IGF2BP2: variants seen among roughly 807,000 people sequenced by gnomAD.
IGF2BP2 encodes the protein insulin-like growth factor 2 mRNA-binding protein 2.
A neutral mutation model predicts 75.8 loss-of-function variants in IGF2BP2; 17 were observed. That is an observed-to-expected ratio of 0.22 (90% CI 0.15 to 0.34). The LOEUF is 0.34. IGF2BP2 is among the 10% of genes least tolerant of loss of function. The pLI is 1.00. For synonymous variants in IGF2BP2, 288 were observed against 295.6 expected, an observed-to-expected ratio of 0.97 and a Z score of 0.26; for missense variants, 516 against 772.4, an observed-to-expected ratio of 0.67 and a Z score of 3.93.
At chr3:185,676,271 G>A (rs1719332482) in intron 7 of IGF2BP2, among the ~76,000 whole-genome samples, 1 of 152,024 alleles carries the variant, frequency 6.6e-6, no homozygotes, top group South Asian at 2.1e-4. Flanking sequence ...GAAGCCACAG[G>A]TCTCTTTCCC....
intron 2 of IGF2BP2, among the ~76,000 whole-genome samples, chr3:185,774,718 C>T (rs542878904): frequency 2.6e-5 from 4 of 151,990 alleles, no homozygotes; most frequent in Non-Finnish European, 4.4e-5. Flanking sequence ...TAAGAGGCGG[C>T]TGGGGACGGG....
rs759073124 is a variant in IGF2BP2, at chr3:185,657,311, G to A, written c.1361C>T (p.Ala454Val). The A allele has an allele frequency of 4.3e-6, 7 of 1,613,596 alleles. No homozygotes were observed. The highest frequency in any genetic ancestry group is 2.2e-5 in the South Asian group (2 of 91,010). Residue 454 changes from alanine to valine, a missense_variant, in exon 12 of 16, where the codon GCG (alanine) becomes GTG (valine). Around this residue, in one of 3 missense-constraint regions of IGF2BP2, gnomAD observed 129 missense variants for 230.5 expected, o/e 0.56. Transcript: ENST00000382199. Reference protein sequence around the residue: ...GKKGAHIKQLARFAGASIKIA... With the variant: ...GKKGAHIKQLVRFAGASIKIA... ...CTTGATAGAGGCTCCGGCGAATCTC[G>A]CCAGCTGTTTGATGTGTGCCCCCTT...
chr3:185,776,402 G>A (rs766304777), intron 2 of IGF2BP2, among the ~76,000 whole-genome samples: 1 of 152,192 alleles, frequency 6.6e-6, no homozygotes, highest in Non-Finnish European at 1.5e-5. Flanking sequence ...GATTGGATGT[G>A]AAGGATCAGA....
intron 2 of IGF2BP2, among the ~76,000 whole-genome samples, chr3:185,702,134 C>T (rs1174349609): frequency 1.3e-5 from 2 of 152,196 alleles, no homozygotes; most frequent in Non-Finnish European, 1.5e-5. Flanking sequence ...GTCCCCTCAA[C>T]CCCCGCGGTG....
At chr3:185,823,497 G>A (rs1475220605) in intron 1 of IGF2BP2, among the ~76,000 whole-genome samples, 3 of 152,198 alleles carry the variant, frequency 2.0e-5, no homozygotes, top group African/African-American at 7.2e-5. Flanking sequence ...GCGCCAATTT[G>A]AAAGGATGAG....
At chr3:185,672,479 G>A (rs1718663545) in intron 10 of IGF2BP2, 62 bp downstream of exon 10, 1 of 1,532,982 alleles carries the variant, frequency 6.5e-7, no homozygotes, top group African/African-American at 1.4e-5. Context: ...ACACAGCAGA[G>A]GCATGCTGCT....
chr3:185,806,274 C>T (rs1324853338), intron 2 of IGF2BP2, among the ~76,000 whole-genome samples: 1 of 152,068 alleles, frequency 6.6e-6, no homozygotes, highest in Non-Finnish European at 1.5e-5. Flanking sequence ...CTTAAGAGCA[C>T]ACAAAAGAGG....
At chr3:185,785,610 G>GGAGTTTGA (rs1735784146) in intron 2 of IGF2BP2, among the ~76,000 whole-genome samples, 1 of 152,018 alleles carries the variant, frequency 6.6e-6, no homozygotes. Flanking sequence ...CTTGAGGCCT[G>GGAGTTTGA]GAGTTTGAGA....
chr3:185,746,191 T>TA (rs1038545469), intron 2 of IGF2BP2, among the ~76,000 whole-genome samples: 20 of 152,218 alleles, frequency 1.3e-4, no homozygotes, highest in African/African-American at 4.6e-4. Flanking sequence ...TCCCTGATTT[T>TA]AAAAATAAGC....
At chr3:185,690,128 G>A (rs544436702) in intron 5 of IGF2BP2, among the ~76,000 whole-genome samples, 1 of 152,322 alleles carries the variant, frequency 6.6e-6, no homozygotes, top group African/African-American at 2.4e-5. Flanking sequence ...AGTTAAACAA[G>A]TAATCACAAC....
rs1452512428 is a variant in IGF2BP2, at chr3:185,778,018, A to G, written c.239+45135T>C. Among the ~76,000 whole-genome samples the G allele has an allele frequency of 2.1e-5, 3 of 144,572 alleles. No individual in the cohort carries two copies. In the East Asian group the frequency reaches 5.9e-4, roughly 29 times the overall value. 94.8% of individuals were successfully genotyped at this position (144,572 alleles called of 152,430 possible). On this transcript the variant is annotated intron_variant, in intron 2 of 15. Transcript: ENST00000382199. ...GAGATTGCAAGAGTGAGACTCCGTC[A>G]AAAAAAAAAAAATCACAAATGTGGA... is the stretch of plus-strand genomic sequence containing the variant.
At chr3:185,729,496 C>T (rs889592027) in intron 2 of IGF2BP2, among the ~76,000 whole-genome samples, 1 of 152,176 alleles carries the variant, frequency 6.6e-6, no homozygotes, top group East Asian at 1.9e-4. Flanking sequence ...TCCCAATACT[C>T]GTCATGATAG....
intron 10 of IGF2BP2, among the ~76,000 whole-genome samples, chr3:185,668,134 T>C (rs1220819463): frequency 1.3e-5 from 2 of 152,186 alleles, no homozygotes; most frequent in African/African-American, 4.8e-5. Context: ...TTTGACATTG[T>C]CTATAATACA....
chr3:185,801,111 C>T (rs1253572795), intron 2 of IGF2BP2, among the ~76,000 whole-genome samples: 1 of 152,058 alleles, frequency 6.6e-6, no homozygotes, highest in Non-Finnish European at 1.5e-5. Flanking sequence ...TGAAAAAAAG[C>T]TCATCATCAC....
chr3:185,786,922 T>A (rs983398935), intron 2 of IGF2BP2, among the ~76,000 whole-genome samples: 1 of 152,190 alleles, frequency 6.6e-6, no homozygotes, highest in Non-Finnish European at 1.5e-5. Flanking sequence ...ATATTCTTCT[T>A]TATTTTTTGT....
chr3:185,747,258 G>A (rs2149603056), intron 2 of IGF2BP2, among the ~76,000 whole-genome samples: 1 of 152,232 alleles, frequency 6.6e-6, no homozygotes, highest in South Asian at 2.1e-4. Flanking sequence ...ATATTTTAAA[G>A]CTCTGAAAAC....
At chr3:185,789,202 T>A (rs751025199) in intron 2 of IGF2BP2, among the ~76,000 whole-genome samples, 13 of 152,192 alleles carry the variant, frequency 8.5e-5, no homozygotes, top group Non-Finnish European at 1.8e-4. Flanking sequence ...AACTAGTTGT[T>A]TGAGCTGAGT....
At chr3:185,706,384 C>T (rs1474797656) in intron 2 of IGF2BP2, among the ~76,000 whole-genome samples, 1 of 151,898 alleles carries the variant, frequency 6.6e-6, no homozygotes, top group Non-Finnish European at 1.5e-5. Flanking sequence ...CCTGGGCAAC[C>T]GAGTACCGAG....
intron 7 of IGF2BP2, among the ~76,000 whole-genome samples, chr3:185,677,538 A>G (rs917038986): frequency 6.6e-6 from 1 of 152,162 alleles, no homozygotes; most frequent in African/African-American, 2.4e-5. Context: ...AATCCCAACA[A>G]AAAAACTTAC....
Sources: gnomAD v4.1 joint callset for allele counts (sites outside exome capture counted in the v4.1 genomes callset) on GRCh38, gnomAD v4.1.1 for gene constraint, gnomAD v4.1.1 regional missense constraint, MANE v1.5 for transcripts, NCBI Gene and HGNC (gene_info 2026-07-23, HGNC 2026-07-21) for gene names.